Variants in MARCHF1 observed in about 807,000 individuals in gnomAD.
MARCHF1 encodes membrane associated ring-CH-type finger 1.
In MARCHF1, 40 loss-of-function variants were observed where a neutral mutation model predicts 54.2. The ratio of observed to expected loss-of-function variants is 0.74; its 90% CI spans 0.57 to 0.96. MARCHF1 has a LOEUF of 0.96. MARCHF1 is among the 40% of genes least tolerant of loss of function. The pLI is 0.00. For missense variants in MARCHF1, 586 were observed against 656.5 expected (o/e 0.89, Z 1.17); for synonymous variants, 236 against 236.3 (o/e 1.00, Z 0.01).
At chr4:163,940,293 C>A (rs971970848) in intron 3 of MARCHF1, among the ~76,000 whole-genome samples, 1 of 152,094 alleles carries the variant, frequency 6.6e-6, no homozygotes, top group Non-Finnish European at 1.5e-5. Context: ...GTTCAAGCCA[C>A]CTGTTCATGC....
intron 8 of MARCHF1, among the ~76,000 whole-genome samples, chr4:163,573,443 C>T (rs920430936): frequency 6.9e-6 from 1 of 144,728 alleles, no homozygotes; most frequent in Non-Finnish European, 1.5e-5. Context: ...GGTATATCTC[C>T]CAGTGCTATC....
intron 7 of MARCHF1, 58 bp downstream of exon 7, chr4:163,612,213 C>G (rs1029014773): frequency 7.2e-7 from 1 of 1,386,496 alleles, no homozygotes; most frequent in African/African-American, 1.5e-5. Flanking sequence ...ACGCACCTAA[C>G]TCACTGCAAA....
In MARCHF1 at chr4:164,113,539, A is replaced by G. The variant is rs143740331; in HGVS notation, c.-322-1877T>C. 1.4e-4 allele frequency among the ~76,000 whole-genome samples: 22 copies of G among 152,160 alleles called. 1 individual carries two copies. Among genetic ancestry groups the G allele is most frequent in the African/African-American group, 4.3e-4 (18 of 41,566 alleles). On this transcript the variant is annotated intron_variant, in intron 1 of 9. Coordinates refer to ENST00000514618, the MANE Select transcript of MARCHF1 (RefSeq NM_001394959.1). ...GTATCTGGGGAAAGGAGGGAGCTCT[A>G]AACTGTGGTCAGCACCGGCGTTCTT...
intron 1 of MARCHF1, among the ~76,000 whole-genome samples, chr4:164,343,258 T>C (rs938409198): frequency 1.3e-5 from 2 of 151,970 alleles, no homozygotes; most frequent in Non-Finnish European, 2.9e-5. Flanking sequence ...ACCTTAAATA[T>C]ATACAATTTT....
chr4:163,790,191 T>C (rs1186729697), intron 4 of MARCHF1, among the ~76,000 whole-genome samples: 1 of 152,106 alleles, frequency 6.6e-6, no homozygotes, highest in African/African-American at 2.4e-5. Flanking sequence ...CTGTGTTTAA[T>C]GAGAACATTT....
chr4:163,848,223 T>C (rs1309948972), intron 4 of MARCHF1, among the ~76,000 whole-genome samples: 1 of 152,194 alleles, frequency 6.6e-6, no homozygotes, highest in East Asian at 1.9e-4. Context: ...CTTTAATTTT[T>C]TTCTAGAGCA....
chr4:163,609,158 C>T (rs1339745863), intron 7 of MARCHF1, among the ~76,000 whole-genome samples: 1 of 151,986 alleles, frequency 6.6e-6, no homozygotes, highest in Non-Finnish European at 1.5e-5. Context: ...AAAAACTATA[C>T]ACGCCCAACT....
At chr4:163,953,688 T>C (rs1451738102) in intron 3 of MARCHF1, among the ~76,000 whole-genome samples, 2 of 152,292 alleles carry the variant, frequency 1.3e-5, no homozygotes, top group Admixed American at 6.5e-5. Context: ...AAATCCATCC[T>C]ACATATTTTG....
intron 1 of MARCHF1, among the ~76,000 whole-genome samples, chr4:164,350,724 G>A (rs1730266943): frequency 6.6e-6 from 1 of 152,158 alleles, no homozygotes; most frequent in African/African-American, 2.4e-5. Flanking sequence ...CCTTATTTAG[G>A]AGAAGCCAGT....
intron 1 of MARCHF1, among the ~76,000 whole-genome samples, chr4:164,127,107 C>CAG (rs1756201312): frequency 7.3e-6 from 1 of 137,398 alleles, no homozygotes; most frequent in Non-Finnish European, 1.6e-5. Flanking sequence ...GGAAACTGAA[C>CAG]TGGAGAAACA....
chr4:163,757,814 CA>C (rs1241699563), intron 4 of MARCHF1, among the ~76,000 whole-genome samples: 1 of 152,098 alleles, frequency 6.6e-6, no homozygotes, highest in Non-Finnish European at 1.5e-5. Context: ...GGCTTCAAGA[CA>C]AAAGAATGGT....
At chr4:164,084,020 G>A (rs924324800) in intron 2 of MARCHF1, among the ~76,000 whole-genome samples, 4 of 151,790 alleles carry the variant, frequency 2.6e-5, no homozygotes, top group African/African-American at 9.7e-5. Flanking sequence ...TAGTGGTAAG[G>A]TCCCTAAAAA....
At chr4:163,541,516 T>C (rs1206703367) in intron 9 of MARCHF1, among the ~76,000 whole-genome samples, 1 of 152,156 alleles carries the variant, frequency 6.6e-6, no homozygotes, top group African/African-American at 2.4e-5. Flanking sequence ...AAGTACCATA[T>C]ATTTGCTATT....
chr4:163,932,523 G>C (rs1751699658), intron 3 of MARCHF1: 1 of 354,540 alleles, frequency 2.8e-6, no homozygotes, highest in Admixed American at 3.5e-5. Flanking sequence ...CCTGACTCCT[G>C]CCATAGAGAA....
intron 1 of MARCHF1, among the ~76,000 whole-genome samples, chr4:164,185,855 G>T (rs1387396690): frequency 6.6e-6 from 1 of 151,730 alleles, no homozygotes; most frequent in Non-Finnish European, 1.5e-5. Context: ...CTTAGCAAGA[G>T]TCTATGATTT....
intron 2 of MARCHF1, among the ~76,000 whole-genome samples, chr4:163,998,344 T>A (rs1012658318): frequency 9.2e-5 from 14 of 151,434 alleles, no homozygotes; most frequent in African/African-American, 3.4e-4. Context: ...TCTAAAGCAG[T>A]AAAGTTCTGG....
intron 5 of MARCHF1, among the ~76,000 whole-genome samples, chr4:163,657,037 T>C (rs1441298730): frequency 6.6e-6 from 1 of 152,068 alleles, no homozygotes; most frequent in African/African-American, 2.4e-5. Flanking sequence ...TTCAAAATAG[T>C]ATTGGAAGTT....
At chr4:163,642,964 T>C (rs1742605352) in intron 5 of MARCHF1, among the ~76,000 whole-genome samples, 1 of 151,116 alleles carries the variant, frequency 6.6e-6, no homozygotes, top group Non-Finnish European at 1.5e-5. Flanking sequence ...TATACATATG[T>C]GTATGTGTGT....
intron 4 of MARCHF1, among the ~76,000 whole-genome samples, chr4:163,755,948 T>A (rs1230353836): frequency 6.6e-6 from 1 of 152,246 alleles, no homozygotes; most frequent in African/African-American, 2.4e-5. Context: ...AATTCACAGA[T>A]ATACTGGTGC....
Sources: allele counts gnomAD v4.1 joint callset (sites outside exome capture counted in the v4.1 genomes callset), GRCh38; gene constraint gnomAD v4.1.1; transcripts MANE v1.5; gene names NCBI Gene and HGNC (gene_info 2026-07-23, HGNC 2026-07-21).